KIAA1217: variants seen among roughly 807,000 people sequenced by gnomAD.
KIAA1217 encodes the protein KIAA1217.
A neutral mutation model predicts 163.9 loss-of-function variants in KIAA1217; 88 were observed. That is an observed-to-expected ratio of 0.54 (90% CI 0.45 to 0.64). KIAA1217 has a LOEUF of 0.64. Among genes scored for constraint, KIAA1217 ranks in the 30% least tolerant of loss-of-function variants. The pLI is 0.00. For missense variants in KIAA1217, 2,372 were observed against 2,475.0 expected, an observed-to-expected ratio of 0.96 and a Z score of 0.88; for synonymous variants, 903 against 923.1, an observed-to-expected ratio of 0.98 and a Z score of 0.39.
chr10:24,287,310 C>G (rs540696642), intron 2 of KIAA1217, among the ~76,000 whole-genome samples: 97 of 152,310 alleles, frequency 6.4e-4, no homozygotes, highest in African/African-American at 2.0e-3. Context: ...CTCGGCCTCC[C>G]AAAGTGCTGG....
chr10:24,050,408 A>G (rs1275929771), intron 2 of KIAA1217, among the ~76,000 whole-genome samples: 2 of 152,142 alleles, frequency 1.3e-5, no homozygotes, highest in African/African-American at 4.8e-5. Context: ...GGTATTGCCT[A>G]GGTTTTCTTC....
At chr10:23,696,642 C>A (rs1836060442) in intron 1 of KIAA1217, among the ~76,000 whole-genome samples, 1 of 152,182 alleles carries the variant, frequency 6.6e-6, no homozygotes, top group African/African-American at 2.4e-5. Flanking sequence ...TGGGAGCTTA[C>A]AGTCTGTGCT....
intron 1 of KIAA1217, among the ~76,000 whole-genome samples, chr10:23,981,908 G>A (rs1409860756): frequency 2.0e-5 from 3 of 152,016 alleles, no homozygotes. Context: ...AGGGCCTTAG[G>A]AGACTGGGAC....
rs1487540892 is a variant in KIAA1217, at chr10:24,349,592, CCTT to C, written c.355-31273_355-31271del. On this transcript the variant is annotated intron_variant, in intron 2 of 20. Coordinates refer to ENST00000376454, the MANE Select transcript of KIAA1217 (RefSeq NM_019590.5). ...CCAAGCCTGTGCCCTTTGCAAAACA[CCTT>C]CTTTTGCCTGGCCAGCTTGATGGAG... 2.6e-5 allele frequency among the ~76,000 whole-genome samples: 4 copies of C among 152,196 alleles called. No homozygotes were observed. In the East Asian group the frequency reaches 7.7e-4, roughly 29 times the overall value.
At chr10:23,936,012 A>G (rs560619680) in intron 1 of KIAA1217, among the ~76,000 whole-genome samples, 18 of 152,312 alleles carry the variant, frequency 1.2e-4, no homozygotes, top group Middle Eastern at 6.8e-3. Context: ...TGTATCCCCA[A>G]TCCCTGTCCA....
intron 2 of KIAA1217, among the ~76,000 whole-genome samples, chr10:24,036,423 A>G (rs939088588): frequency 4.6e-5 from 7 of 152,232 alleles, no homozygotes; most frequent in Non-Finnish European, 8.8e-5. Context: ...ATGGTTCAGG[A>G]AGATGTTCTC....
chr10:24,225,719 A>G (rs975172618), intron 2 of KIAA1217, among the ~76,000 whole-genome samples: 3 of 152,234 alleles, frequency 2.0e-5, no homozygotes, highest in African/African-American at 7.2e-5. Context: ...GCCTTCTGAG[A>G]TGGTCATAAC....
chr10:23,880,093 G>A (rs958822310), intron 1 of KIAA1217, among the ~76,000 whole-genome samples: 26 of 151,796 alleles, frequency 1.7e-4, no homozygotes, highest in South Asian at 8.3e-4. Context: ...ATAGGAAGGA[G>A]AGATTAGAGG....
chr10:23,873,310 T>C (rs1028166584), intron 1 of KIAA1217, among the ~76,000 whole-genome samples: 4 of 152,060 alleles, frequency 2.6e-5, no homozygotes, highest in African/African-American at 9.7e-5. Context: ...AAAAAGGATA[T>C]TATCATTAAT....
intron 1 of KIAA1217, among the ~76,000 whole-genome samples, chr10:23,701,189 T>A (rs1213250578): frequency 1.3e-5 from 2 of 152,190 alleles, no homozygotes; most frequent in Non-Finnish European, 2.9e-5. Flanking sequence ...CTGGCCAGAA[T>A]TGTGGTCAGA....
At chr10:23,747,524 C>G (rs1274153186) in intron 1 of KIAA1217, among the ~76,000 whole-genome samples, 2 of 151,906 alleles carry the variant, frequency 1.3e-5, no homozygotes, top group Non-Finnish European at 2.9e-5. Context: ...TTGAGTAGGG[C>G]CAGGACATGT....
chr10:24,268,593 AC>A (rs1378834738), intron 2 of KIAA1217, among the ~76,000 whole-genome samples: 3 of 123,648 alleles, frequency 2.4e-5, no homozygotes, highest in Non-Finnish European at 5.0e-5. Flanking sequence ...AAATAGGAAC[AC>A]TTTTACACTG....
chr10:24,053,656 A>G (rs912900797), intron 2 of KIAA1217, among the ~76,000 whole-genome samples: 7 of 152,202 alleles, frequency 4.6e-5, no homozygotes, highest in African/African-American at 1.7e-4. Context: ...AAAGAAACCT[A>G]TTTAACCATC....
rs139314997 is a variant in KIAA1217 at position 23,875,629 on chromosome 10, C to T, written c.-320-131596C>T. ...ACCCAAATGATTATAAATCATTCTA[C>T]TATAAAGACACATACACACGTATGT... On this transcript the variant is annotated intron_variant, in intron 1 of 18. Coordinates refer to the KIAA1217 transcript ENST00000376462. 9.0e-3 allele frequency among the ~76,000 whole-genome samples: 1,367 copies of T among 152,122 alleles called. 11 individuals carry two copies. Among genetic ancestry groups the T allele is most frequent in the Middle Eastern group, 0.034 (10 of 294 alleles).
At chr10:24,362,103 T>A (rs1446494174) in intron 2 of KIAA1217, among the ~76,000 whole-genome samples, 1 of 151,976 alleles carries the variant, frequency 6.6e-6, no homozygotes, top group Non-Finnish European at 1.5e-5. Context: ...GAGAATGCAA[T>A]TTTTTTTAAA....
At chr10:23,911,396 A>G (rs551024239) in intron 1 of KIAA1217, among the ~76,000 whole-genome samples, 21 of 152,330 alleles carry the variant, frequency 1.4e-4, no homozygotes, top group African/African-American at 5.0e-4. Flanking sequence ...TGTTTTCATC[A>G]TTGACAGCTT....
At chr10:23,964,274 G>A (rs932265888) in intron 1 of KIAA1217, among the ~76,000 whole-genome samples, 5 of 150,122 alleles carry the variant, frequency 3.3e-5, no homozygotes, top group South Asian at 2.1e-4. Context: ...TATGTCTTTT[G>A]CCCACTTTTT....
chr10:24,204,340 G>A (rs1405779092), upstream of KIAA1217, among the ~76,000 whole-genome samples: 6 of 152,076 alleles, frequency 3.9e-5, no homozygotes, highest in Admixed American at 6.5e-5. Flanking sequence ...AACGCAGAAG[G>A]GAAAATTCTG....
Position 24,533,195 on chromosome 10 carries a change from GGAAGAA to G in KIAA1217, c.3383_3388del (p.Glu1128_Glu1129del), listed in dbSNP as rs140819336. 39 of 1,612,488 alleles carry G rather than the reference GGAAGAA, an allele frequency of 2.4e-5. No homozygotes were observed. Among genetic ancestry groups the G allele is most frequent in the South Asian group, 7.7e-5 (7 of 90,642 alleles). ...CCACCTCCTCCTCAAAGGATGAGGAGGAAGAAGAAGAAGAAGGAGACAAAATAATGG... is the reference window on the plus strand; with the variant it reads ...CCACCTCCTCCTCAAAGGATGAGGAGGAAGAAGAAGGAGACAAAATAATGG... On this transcript the variant is annotated inframe_deletion, in exon 16 of 21. Coordinates refer to ENST00000376454, the MANE Select transcript of KIAA1217 (RefSeq NM_019590.5).
Sources: gnomAD v4.1 joint callset for allele counts (sites outside exome capture counted in the v4.1 genomes callset) on GRCh38, gnomAD v4.1.1 for gene constraint, MANE v1.5 for transcripts, NCBI Gene and HGNC (gene_info 2026-07-23, HGNC 2026-07-21) for gene names.